Variants in ME3 observed in about 807,000 individuals in gnomAD.
The protein encoded by ME3 is malic enzyme 3.
ME3 carries 48 observed loss-of-function variants against 68.9 expected under a neutral mutation model. The ratio of observed to expected loss-of-function variants is 0.70; its 90% CI spans 0.55 to 0.89. The LOEUF is 0.89. Ranked by LOEUF, ME3 falls within the 40% of genes least tolerant of loss-of-function variation. The pLI, the probability that ME3 is intolerant of heterozygous loss-of-function variation, is 0.00. For synonymous variants in ME3, 320 were observed against 318.8 expected, an observed-to-expected ratio of 1.00 and a Z score of -0.04; for missense variants, 675 against 797.4, an observed-to-expected ratio of 0.85 and a Z score of 1.85.
intron 2 of ME3, among the ~76,000 whole-genome samples, chr11:86,631,509 G>A (rs1031309439): frequency 1.3e-5 from 2 of 151,970 alleles, no homozygotes; most frequent in Non-Finnish European, 1.5e-5. Flanking sequence ...AAATCCAAAC[G>A]CATATCAGAA....
intron 4 of ME3, among the ~76,000 whole-genome samples, chr11:86,525,635 G>T (rs766127205): frequency 6.6e-6 from 1 of 152,132 alleles, no homozygotes; most frequent in Admixed American, 6.5e-5. Flanking sequence ...GGCCAAGGTG[G>T]GTGGATCACC....
At chr11:86,650,211 G>A (rs1263463053) in intron 2 of ME3, among the ~76,000 whole-genome samples, 1 of 152,168 alleles carries the variant, frequency 6.6e-6, no homozygotes, top group Non-Finnish European at 1.5e-5. Flanking sequence ...ATGGGGAGAG[G>A]ATTCCCTACT....
chr11:86,490,596 C>T (rs959482405), intron 6 of ME3, among the ~76,000 whole-genome samples: 2 of 152,082 alleles, frequency 1.3e-5, no homozygotes, highest in Non-Finnish European at 2.9e-5. Flanking sequence ...TTGTAAGAGA[C>T]TATTTAAAGT....
chr11:86,588,458 G>A (rs143500577), intron 2 of ME3, among the ~76,000 whole-genome samples: 327 of 152,316 alleles, frequency 2.1e-3, no homozygotes, highest in African/African-American at 7.7e-3. Flanking sequence ...ATGCACTGGG[G>A]AAACTATGGC....
intron 2 of ME3, among the ~76,000 whole-genome samples, chr11:86,572,494 C>T (rs1565156636): frequency 2.6e-5 from 4 of 152,192 alleles, no homozygotes; most frequent in South Asian, 2.1e-4. Flanking sequence ...TCCATGTGTC[C>T]GTTGTTCAAC....
At chr11:86,559,924 T>G (rs1957123332) in intron 2 of ME3, 101 bp from the exon 3 acceptor site, 1 of 1,330,388 alleles carries the variant, frequency 7.5e-7, no homozygotes, top group Admixed American at 2.4e-5. Context: ...TCAGTGTGAC[T>G]CAGTAGAAAG....
At chr11:86,543,266 C>G (rs570712974) in intron 4 of ME3, among the ~76,000 whole-genome samples, 1 of 152,284 alleles carries the variant, frequency 6.6e-6, no homozygotes, top group Admixed American at 6.5e-5. Context: ...AAGTAACAAG[C>G]TAGCATCATA....
At chr11:86,636,948 G>C (rs535111397) in intron 2 of ME3, among the ~76,000 whole-genome samples, 1 of 152,284 alleles carries the variant, frequency 6.6e-6, no homozygotes. Context: ...TGTGAGGCCA[G>C]AGGAGTAGAA....
intron 2 of ME3, among the ~76,000 whole-genome samples, chr11:86,637,578 T>C (rs911882003): frequency 5.7e-4 from 87 of 152,110 alleles, no homozygotes; most frequent in African/African-American, 2.0e-3. Flanking sequence ...GTGAGTCTTG[T>C]GTAGCACGCA....
intron 2 of ME3, among the ~76,000 whole-genome samples, chr11:86,607,850 T>C (rs7109270): frequency 0.26 from 40,054 of 151,644 alleles, 5,515 homozygotes; most frequent in African/African-American, 0.34. Flanking sequence ...ATGATAGACC[T>C]TCAGATATTG....
At chr11:86,483,080 T>C (rs1005819272) in intron 7 of ME3, among the ~76,000 whole-genome samples, 11 of 152,238 alleles carry the variant, frequency 7.2e-5, no homozygotes, top group African/African-American at 2.7e-4. Context: ...TTTGGTGCTC[T>C]GCTCTGCACA....
At chr11:86,649,734 C>T (rs1945273850) in intron 2 of ME3, among the ~76,000 whole-genome samples, 1 of 152,112 alleles carries the variant, frequency 6.6e-6, no homozygotes. Flanking sequence ...AATAAAATAC[C>T]TAGGAATACA....
intron 7 of ME3, among the ~76,000 whole-genome samples, chr11:86,482,145 A>G (rs1165649162): frequency 2.0e-5 from 3 of 152,094 alleles, no homozygotes. Flanking sequence ...TATTAATACT[A>G]TCTATGGGTT....
At chr11:86,529,580 C>T (rs1383818097) in intron 4 of ME3, among the ~76,000 whole-genome samples, 1 of 152,174 alleles carries the variant, frequency 6.6e-6, no homozygotes, top group Non-Finnish European at 1.5e-5. Flanking sequence ...ACCAATATCC[C>T]TGATGAACAT....
At chr11:86,616,171 G>A (rs960017545) in intron 2 of ME3, among the ~76,000 whole-genome samples, 6 of 152,150 alleles carry the variant, frequency 3.9e-5, no homozygotes, top group African/African-American at 7.2e-5. Flanking sequence ...GTAATACACC[G>A]TGATAAGGGA....
At chr11:86,449,859 G>C in intron 10 of ME3, 30 bp downstream of exon 10, 2 of 1,558,822 alleles carry the variant, frequency 1.3e-6, no homozygotes, top group Non-Finnish European at 1.8e-6. Context: ...AAGGTGTCAG[G>C]AAACCTCCAG....
chr11:86,558,969 A>G (rs1362701460), intron 3 of ME3, among the ~76,000 whole-genome samples: 1 of 152,182 alleles, frequency 6.6e-6, no homozygotes, highest in Non-Finnish European at 1.5e-5. Context: ...TCCCTGCTGC[A>G]TCTTAGCTGT....
At chr11:86,493,596 A>G (rs1017444870) in intron 6 of ME3, among the ~76,000 whole-genome samples, 8 of 152,268 alleles carry the variant, frequency 5.3e-5, no homozygotes, top group African/African-American at 1.9e-4. Context: ...ATGAAACAAA[A>G]TAAATCCAAT....
intron 10 of ME3, among the ~76,000 whole-genome samples, chr11:86,449,300 C>G (rs572975725): frequency 1.3e-5 from 2 of 152,348 alleles, no homozygotes; most frequent in African/African-American, 2.4e-5. Flanking sequence ...CTGTTTCTCT[C>G]TCATTCATGC....
Sources: allele counts gnomAD v4.1 joint callset (sites outside exome capture counted in the v4.1 genomes callset), GRCh38; gene constraint gnomAD v4.1.1; transcripts MANE v1.5; gene names NCBI Gene and HGNC (gene_info 2026-07-23, HGNC 2026-07-21).